CFAP99: variants seen among roughly 807,000 people sequenced by gnomAD.
CFAP99 encodes the protein cilia- and flagella-associated protein 99.
Under a neutral mutation model 82.7 loss-of-function variants are expected in CFAP99, and 84 were observed. That is an observed-to-expected ratio of 1.02 (90% CI 0.85 to 1.22). The LOEUF is 1.22. Ranked by LOEUF, CFAP99 falls within the 50% of genes most tolerant of loss-of-function variation. CFAP99 has a pLI of 0.00. For synonymous variants in CFAP99, 456 were observed against 429.5 expected, an observed-to-expected ratio of 1.06 and a Z score of -0.76; for missense variants, 1,059 against 983.5, an observed-to-expected ratio of 1.08 and a Z score of -1.03.
chr4:2,452,133 T>G lies in CFAP99; in HGVS notation c.957-9T>G, dbSNP rs1452938881. ...ACCCCAAGCTGTGCTTCTGTCCCTC[T>G]TTGCCCAGGGTTGATAAGCTCGTGG... On this transcript the variant is annotated splice_polypyrimidine_tract_variant and intron_variant, in intron 10 of 14. Coordinates refer to ENST00000635017, the Ensembl canonical transcript of CFAP99. 2 of 1,535,790 alleles carry G rather than the reference T, an allele frequency of 1.3e-6. No individual in the cohort carries two copies. Among genetic ancestry groups the G allele is most frequent in the Non-Finnish European group, 1.7e-6 (2 of 1,146,740 alleles).
chr4:2,436,501 G>A (rs928936110), intron 2 of CFAP99, among the ~76,000 whole-genome samples: 2 of 152,174 alleles, frequency 1.3e-5, no homozygotes. Flanking sequence ...TCATCCGAGC[G>A]AACTGAAGCT....
intron 1 of CFAP99, among the ~76,000 whole-genome samples, 169 bp from the exon 2 acceptor site, chr4:2,426,290 C>T (rs570896471): frequency 2.7e-5 from 4 of 149,624 alleles, no homozygotes; most frequent in South Asian, 2.1e-4. Flanking sequence ...CACTCACATC[C>T]GGCCCTCCCC....
intron 1 of CFAP99, among the ~76,000 whole-genome samples, chr4:2,423,336 C>T (rs1413065517): frequency 3.9e-5 from 6 of 152,218 alleles, no homozygotes; most frequent in Non-Finnish European, 7.3e-5. Context: ...AGGAGAGGGG[C>T]TGAATTCAGA....
intron 2 of CFAP99, among the ~76,000 whole-genome samples, chr4:2,434,673 G>A (rs1430718119): frequency 1.3e-5 from 2 of 152,206 alleles, no homozygotes; most frequent in African/African-American, 2.4e-5. Flanking sequence ...AAGGCTCTGG[G>A]AAGCCCAGCA....
intron 2 of CFAP99, among the ~76,000 whole-genome samples, chr4:2,435,790 G>A (rs1733894659): frequency 6.6e-6 from 1 of 152,004 alleles, no homozygotes; most frequent in Non-Finnish European, 1.5e-5. Context: ...CAGGCATGGT[G>A]GTGTGCATCT....
Position 2,462,777 on chromosome 4 carries a change from C to G in CFAP99, c.1996C>G (p.Pro666Ala). Residue 666 changes from proline (P) to alanine (A), a missense_variant, in exon 15 of 15, where the codon CCT becomes GCT. Pro to Ala is a conservative substitution (Grantham distance 27). Transcript: ENST00000635017. This position sits in a 1 kb window ranked among gnomAD's most constrained non-coding sequence, Gnocchi z 4.1. The stretch of plus-strand genomic sequence containing the variant: ...GGGCGCGGGAGGCGGTGGGGGCGTC[C>G]CTGCCCGCGCCGACGCGTTCCCCGG... 1 of 1,269,604 alleles carries G rather than the reference C, an allele frequency of 7.9e-7. No individual in the cohort carries two copies. Among genetic ancestry groups the G allele is most frequent in the South Asian group, 2.5e-5 (1 of 39,778 alleles). The allele number at this position is 1,269,604 out of a possible 1,614,324, so 78.6% of individuals were successfully genotyped here.
chr4:2,449,070 G>A (rs139109324), intron 6 of CFAP99, among the ~76,000 whole-genome samples: 1 of 152,140 alleles, frequency 6.6e-6, no homozygotes, highest in African/African-American at 2.4e-5. Context: ...TAGATGTGCA[G>A]GGGAGAAGGC....
chr4:2,443,010 G>A (rs1175416362), intron 4 of CFAP99, 120 bp from the exon 5 acceptor site: 1 of 451,200 alleles, frequency 2.2e-6, no homozygotes, highest in Non-Finnish European at 3.9e-6. Flanking sequence ...GCCTTGGGGG[G>A]AGCCACTGGG....
At chr4:2,457,424 G>T (rs1479971471) in intron 11 of CFAP99, among the ~76,000 whole-genome samples, 2 of 152,226 alleles carry the variant, frequency 1.3e-5, no homozygotes, top group South Asian at 2.1e-4. Context: ...CGAGCAGCCA[G>T]TGCGAGCCAT....
In CFAP99 at chr4:2,462,477, G is replaced by C. The variant is rs1734644244; in HGVS notation, c.1696G>C (p.Ala566Pro). 1 of 1,471,760 alleles carries C rather than the reference G, an allele frequency of 6.8e-7. No homozygotes were observed. The highest frequency in any genetic ancestry group is 1.5e-5 in the African/African-American group (1 of 67,798). The allele number at this position is 1,471,760 out of a possible 1,614,324, so 91.2% of individuals were successfully genotyped here. A position where few individuals can be genotyped will look rare whatever the true frequency, so the allele number is the denominator to read the frequency against. The change falls in exon 15 of 15, where the codon GCG (alanine) becomes CCG (proline). Residue 566 changes from alanine to proline, a missense_variant. By Grantham distance (27) the Ala-to-Pro change is conservative. Transcript: ENST00000635017. The surrounding 1 kb of genome is among the most constrained non-coding windows in gnomAD (Gnocchi z 4.1). ...AAAGAAGGCCCTTGCGGCGGCCCCGGCGGCGCCCTCGCAGGACGAGCGCGT... is the reference window on the plus strand; with the variant it reads ...AAAGAAGGCCCTTGCGGCGGCCCCGCCGGCGCCCTCGCAGGACGAGCGCGT...
chr4:2,426,979 C>T, intron 2 of CFAP99: 1 of 241,876 alleles, frequency 4.1e-6, no homozygotes, highest in South Asian at 5.9e-5. Flanking sequence ...GTGCGCAAGG[C>T]CACAACTTGT....
intron 11 of CFAP99, 127 bp from the exon 12 acceptor site, chr4:2,458,596 C>T: frequency 8.0e-7 from 1 of 1,251,672 alleles, no homozygotes; most frequent in Non-Finnish European, 1.1e-6. Flanking sequence ...GACCTGGGTT[C>T]TGGGGTGATT....
intron 2 of CFAP99, chr4:2,427,996 G>A (rs116797764): frequency 0.02 from 3,067 of 152,496 alleles, 107 homozygotes; most frequent in African/African-American, 0.069. Flanking sequence ...GCAGGCCTCC[G>A]TGGGCACCTC....
At position 2,458,608 on chromosome 4, in the gene CFAP99, A is replaced by T. The variant is rs535004279; in HGVS notation, c.1162-115A>T. On this transcript the variant is annotated intron_variant, in intron 11 of 14. Transcript: ENST00000635017. The stretch of plus-strand genomic sequence containing the variant: ...TTAGACCTGGGTTCTGGGGTGATTC[A>T]AGGGCAGGGACTGGGTCCACCTTCA... 4.3e-5 allele frequency: 57 copies of T among 1,339,134 alleles called. 1 individual carries two copies. The highest frequency in any genetic ancestry group is 2.1e-4 in the South Asian group (14 of 65,456). The allele number at this position is 1,339,134 out of a possible 1,614,324, so 83.0% of individuals were successfully genotyped here.
chr4:2,458,622 G>A, intron 11 of CFAP99, 101 bp from the exon 12 acceptor site: 2 of 1,402,290 alleles, frequency 1.4e-6, no homozygotes, highest in Non-Finnish European at 1.9e-6. Context: ...GCAGGGACTG[G>A]GTCCACCTTC....
intron 11 of CFAP99, among the ~76,000 whole-genome samples, chr4:2,452,892 G>A (rs755818339): frequency 2.0e-5 from 3 of 151,980 alleles, no homozygotes; most frequent in Non-Finnish European, 2.9e-5. Flanking sequence ...GCAAAATCCC[G>A]TCTCTGTAAA....
chr4:2,438,241 A>AT (rs1315136334), intron 4 of CFAP99, 77 bp downstream of exon 4: 8 of 830,372 alleles, frequency 9.6e-6, no homozygotes, highest in Non-Finnish European at 1.6e-5. Context: ...ACCTTTCGTC[A>AT]TTCTGGTTGG....
intron 2 of CFAP99, 82 bp from the exon 3 acceptor site, chr4:2,436,792 C>A (rs1441714482): frequency 8.5e-6 from 10 of 1,180,266 alleles, no homozygotes; most frequent in African/African-American, 1.5e-5. Context: ...TCCACCCCTG[C>A]CTTTGCCCAA....
intron 4 of CFAP99, among the ~76,000 whole-genome samples, chr4:2,438,741 G>A (rs971097499): frequency 4.6e-5 from 7 of 152,080 alleles, no homozygotes; most frequent in Admixed American, 2.0e-4. Flanking sequence ...CTGCACTTGG[G>A]CCTGGGTGAC....
Sources: gnomAD v4.1 joint callset for allele counts (sites outside exome capture counted in the v4.1 genomes callset) on GRCh38, gnomAD v4.1.1 for gene constraint, Gnocchi (gnomAD v3.1) non-coding constraint, MANE v1.5 for transcripts, NCBI Gene and HGNC (gene_info 2026-07-23, HGNC 2026-07-21) for gene names.